The following PRH1 variants were observed in gnomAD, a reference collection of about 807,000 sequenced individuals.
PRH1 encodes proline rich protein HaeIII subfamily 1.
PRH1 carries 7 observed loss-of-function variants against 7.9 expected under a neutral mutation model. The observed-to-expected ratio is 0.89, with a 90% CI of 0.50 to 1.67. The LOEUF (loss-of-function observed/expected upper bound fraction) is 1.67, where lower values mean the gene tolerates loss of function less well. PRH1 is among the 40% of genes most tolerant of loss of function. PRH1 has a pLI of 0.00. For synonymous variants in PRH1, 45 were observed against 80.8 expected (o/e 0.56, Z 2.38); for missense variants, 109 against 223.6 (o/e 0.49, Z 3.27).
intron 1 of PRH1, chr12:11,031,541 G>A (rs10845296): frequency 0.76 from 402,341 of 529,204 alleles, 156,637 homozygotes; most frequent in East Asian, 0.9. Flanking sequence ...GCTTCCACCG[G>A]GAGGAAGGCG....
chr12:10,991,698 T>C (rs1313510101), intron 1 of PRH1, among the ~76,000 whole-genome samples: 1 of 152,038 alleles, frequency 6.6e-6, no homozygotes, highest in Non-Finnish European at 1.5e-5. Context: ...AAACCAGACA[T>C]AATTGATTAG....
In PRH1 at chr12:11,039,118, T is replaced by C. The variant is rs200142494; in HGVS notation, c.-126+7902A>G. On this transcript the variant is annotated intron_variant, in intron 1 of 3. Transcript: ENST00000539853. ...ATATAAAAATAGTCTACAAGCTTAA[T>C]GTAGGTGTCCATGGGAAAATATAAA... 5.3e-5 allele frequency among the ~76,000 whole-genome samples: 8 copies of C among 152,162 alleles called. No individual in the cohort carries two copies. In the South Asian group the frequency reaches 1.2e-3, roughly 24 times the overall value.
intron 1 of PRH1, among the ~76,000 whole-genome samples, chr12:11,021,066 T>C (rs1941597256): frequency 6.6e-6 from 1 of 151,468 alleles, no homozygotes; most frequent in Non-Finnish European, 1.5e-5. Context: ...TTAGTACTGT[T>C]TTGGTATACA....
At chr12:11,126,533 A>G (rs1166780971) in intron 1 of PRH1, among the ~76,000 whole-genome samples, 5 of 152,206 alleles carry the variant, frequency 3.3e-5, no homozygotes, top group Non-Finnish European at 7.4e-5. Context: ...ACCCATGGAC[A>G]TTTGACAGAC....
intron 1 of PRH1, among the ~76,000 whole-genome samples, chr12:11,029,536 G>A (rs1591841915): frequency 6.6e-6 from 1 of 151,620 alleles, no homozygotes; most frequent in Admixed American, 6.6e-5. Flanking sequence ...GGGCTTAAAA[G>A]TGCTTTAGAA....
intron 1 of PRH1, among the ~76,000 whole-genome samples, chr12:10,992,881 G>A (rs1459902554): frequency 6.6e-6 from 1 of 152,202 alleles, no homozygotes; most frequent in Non-Finnish European, 1.5e-5. Flanking sequence ...TGTATATTAA[G>A]GGACATTACT....
rs757688057 is a variant in PRH1, at chr12:10,932,274, T to A, written c.-59+41381A>T. On this transcript the variant is annotated intron_variant, in intron 2 of 3. Coordinates refer to the PRH1 transcript ENST00000539853. ...GTTTCAAATGCCTTGAAACATAATG[T>A]GATCATGCTCTAACTTCAATATACC... 4.3e-4 allele frequency: 181 copies of A among 419,924 alleles called. 7 individuals are homozygous for A. Among genetic ancestry groups the A allele is most frequent in the South Asian group, 3.0e-3 (180 of 60,996 alleles). The allele number at this position is 419,924 out of a possible 1,614,324, so 26.0% of individuals were successfully genotyped here.
intron 1 of PRH1, among the ~76,000 whole-genome samples, chr12:10,973,928 A>C (rs963473097): frequency 3.9e-5 from 6 of 152,214 alleles, no homozygotes; most frequent in African/African-American, 1.4e-4. Context: ...TGTATCTGGA[A>C]ATGCCAAGTG....
intron 1 of PRH1, among the ~76,000 whole-genome samples, chr12:10,983,121 A>C (rs1253499281): frequency 6.6e-6 from 1 of 152,220 alleles, no homozygotes; most frequent in Non-Finnish European, 1.5e-5. Flanking sequence ...CATAGTGGGC[A>C]TTATAGGACT....
chr12:10,941,188 G>A (rs892765821), intron 2 of PRH1, among the ~76,000 whole-genome samples: 1 of 152,186 alleles, frequency 6.6e-6, no homozygotes, highest in Non-Finnish European at 1.5e-5. Context: ...TTTGAAAAGA[G>A]AGCAGAGCTC....
At chr12:10,919,688 G>A (rs1000338785) in intron 2 of PRH1, among the ~76,000 whole-genome samples, 4 of 149,688 alleles carry the variant, frequency 2.7e-5, no homozygotes, top group African/African-American at 7.4e-5. Context: ...TTTTTTTGTT[G>A]ATTTCTAATG....
intron 1 of PRH1, among the ~76,000 whole-genome samples, chr12:10,977,117 A>G (rs1391891732): frequency 6.6e-6 from 1 of 152,174 alleles, no homozygotes; most frequent in African/African-American, 2.4e-5. Context: ...AACAAAAAAT[A>G]GAAAACTTCA....
intron 1 of PRH1, among the ~76,000 whole-genome samples, chr12:11,082,382 G>A (rs11524287): frequency 8.7e-6 from 1 of 114,338 alleles, no homozygotes; most frequent in Non-Finnish European, 2.1e-5. Context: ...TTGGCTCACG[G>A]CAACAGCTGC....
chr12:10,898,278 T>C (rs1949676954), intron 2 of PRH1, among the ~76,000 whole-genome samples: 2 of 152,150 alleles, frequency 1.3e-5, no homozygotes, highest in Non-Finnish European at 2.9e-5. Flanking sequence ...AATGGAGATA[T>C]AATATAGGCC....
At chr12:11,022,028 G>A (rs1941671026) in intron 1 of PRH1, 1 of 1,610,826 alleles carries the variant, frequency 6.2e-7, no homozygotes, top group East Asian at 2.2e-5. Flanking sequence ...AGGTTTGCTA[G>A]AGTAGTTACA....
chr12:10,964,077 AAT>A (rs1285509249), intron 2 of PRH1, among the ~76,000 whole-genome samples: 4 of 152,234 alleles, frequency 2.6e-5, no homozygotes, highest in African/African-American at 9.6e-5. Flanking sequence ...AACAATTATA[AAT>A]AGAGATCATA....
intron 1 of PRH1, among the ~76,000 whole-genome samples, chr12:11,032,588 C>T (rs1942272384): frequency 1.3e-5 from 2 of 152,306 alleles, no homozygotes; most frequent in East Asian, 3.9e-4. Context: ...AGAGGCTGTG[C>T]AGATGAAATT....
Position 11,073,290 on chromosome 12 carries a change from C to A in PRH1, n.124-26102G>T, listed in dbSNP as rs2123005. Among the ~76,000 whole-genome samples the A allele has an allele frequency of 7.5e-3, 658 of 87,748 alleles. 11 individuals carry two copies. The highest frequency in any genetic ancestry group is 8.6e-3 in the Admixed American group (75 of 8,734). 57.6% of individuals were successfully genotyped at this position (87,748 alleles called of 152,430 possible). A position where few individuals can be genotyped will look rare whatever the true frequency, so the allele number is the denominator to read the frequency against. ...GTATTTACAGCCATGTGCTACCATG[C>A]CTGGCAATTTTTTTTTTTTTTAAAG... On this transcript the variant is annotated intron_variant and non_coding_transcript_variant, in intron 1 of 4. Transcript: ENST00000541977.
intron 1 of PRH1, among the ~76,000 whole-genome samples, chr12:11,035,850 C>G (rs1300710565): frequency 6.6e-6 from 1 of 152,142 alleles, no homozygotes; most frequent in Non-Finnish European, 1.5e-5. Flanking sequence ...TCAACCACAG[C>G]TCCACCACTC....
Sources: gnomAD v4.1 joint callset for allele counts (sites outside exome capture counted in the v4.1 genomes callset) on GRCh38, gnomAD v4.1.1 for gene constraint, MANE v1.5 for transcripts, NCBI Gene and HGNC (gene_info 2026-07-23, HGNC 2026-07-21) for gene names.